ZNF433: variants seen among roughly 807,000 people sequenced by gnomAD.
The protein encoded by ZNF433 is zinc finger protein 433.
Under a neutral mutation model 10.6 loss-of-function variants are expected in ZNF433, and 12 were observed. That is an observed-to-expected ratio of 1.13 (90% CI 0.72 to 1.83). The LOEUF (loss-of-function observed/expected upper bound fraction) is 1.83, where lower values mean the gene tolerates loss of function less well. Ranked by LOEUF, ZNF433 falls within the 40% of genes most tolerant of loss-of-function variation. The pLI is 0.00. For synonymous variants in ZNF433, 272 were observed against 271.3 expected (o/e 1.00, Z -0.02); for missense variants, 737 against 798.0 (o/e 0.92, Z 0.92).
chr19:12,027,083 C>T (rs535157941), intron 1 of ZNF433: 11 of 449,150 alleles, frequency 2.4e-5, no homozygotes, highest in Middle Eastern at 7.1e-4. Context: ...ATTAAAAGAA[C>T]AAATATTTAA....
intron 1 of ZNF433, chr19:12,026,327 G>T: frequency 4.3e-6 from 1 of 230,084 alleles, no homozygotes; most frequent in South Asian, 4.9e-5. Context: ...ATGCTGAGGA[G>T]GACCCCAACT....
rs912247412 is a variant in ZNF433 at position 12,033,822 on chromosome 19, C to CA, written c.3+1714dup. ...GGGTGACAGAACAAGACTCTGTCTCCAAAAAAAAACAAAAACAAAAACAAA... is the reference window on the plus strand; with the variant it reads ...GGGTGACAGAACAAGACTCTGTCTCCAAAAAAAAAACAAAAACAAAAACAAA... On this transcript the variant is annotated intron_variant, in intron 1 of 3. Coordinates refer to ENST00000550507, the MANE Select transcript of ZNF433 (RefSeq NM_001308348.2). 2.4e-3 allele frequency among the ~76,000 whole-genome samples: 351 copies of CA among 147,834 alleles called. 2 individuals carry two copies. The highest frequency in any genetic ancestry group is 8.3e-3 in the African/African-American group (333 of 40,226).
chr19:12,018,044 A>C, intron 2 of ZNF433, 108 bp from the exon 3 acceptor site: 3 of 1,328,276 alleles, frequency 2.3e-6, no homozygotes, highest in Non-Finnish European at 2.1e-6. Context: ...TTATTTATCA[A>C]ATATTCCCTG....
At position 12,035,556 on chromosome 19, in the gene ZNF433, G is replaced by A; in HGVS notation, c.-17C>T. On this transcript the variant is annotated 5_prime_UTR_variant, in exon 1 of 4. Transcript: ENST00000550507. The stretch of plus-strand genomic sequence containing the variant: ...GCTCACCATTTCTTGCCTTTCAGGT[G>A]ACTCCCACGACCAGTGCGGGTCACA... The A allele has an allele frequency of 6.4e-7, 1 of 1,568,940 alleles. No homozygotes were observed. Among genetic ancestry groups the A allele is most frequent in the South Asian group, 1.2e-5 (1 of 85,188 alleles).
chr19:12,031,311 CAAAACAAAA>C (rs1975013761), intron 1 of ZNF433, among the ~76,000 whole-genome samples: 2 of 109,840 alleles, frequency 1.8e-5, no homozygotes, highest in African/African-American at 9.9e-5. Context: ...AAAAAAAAAA[CAAAACAAAA>C]AAAAAAACAA....
chr19:12,017,462 CA>C (rs1974265632), intron 3 of ZNF433, among the ~76,000 whole-genome samples: 1 of 152,180 alleles, frequency 6.6e-6, no homozygotes, highest in Non-Finnish European at 1.5e-5. Context: ...CTCGGCCTTC[CA>C]AAGTGCTGGG....
intron 1 of ZNF433, chr19:12,024,530 G>A (rs1172736449): frequency 6.6e-6 from 1 of 152,200 alleles, no homozygotes; most frequent in Non-Finnish European, 1.5e-5. Context: ...ACCTGCTCTA[G>A]GCATTCCTAC....
chr19:12,017,643 C>T (rs534534320), intron 3 of ZNF433, among the ~76,000 whole-genome samples: 1 of 152,272 alleles, frequency 6.6e-6, no homozygotes, highest in Admixed American at 6.5e-5. Flanking sequence ...TGGCCCCAAC[C>T]TCCTGGGCTC....
intron 1 of ZNF433, chr19:12,026,649 A>T (rs545179159): frequency 4.4e-6 from 2 of 451,788 alleles, no homozygotes; most frequent in Non-Finnish European, 8.9e-6. Context: ...TACTGCCCTC[A>T]AAAAACTATT....
At chr19:12,034,345 T>C (rs927464487) in intron 1 of ZNF433, among the ~76,000 whole-genome samples, 2 of 152,200 alleles carry the variant, frequency 1.3e-5, no homozygotes, top group African/African-American at 4.8e-5. Context: ...AATGTGACTC[T>C]GGAATTGAGT....
In ZNF433 at chr19:12,015,571, T is replaced by C; in HGVS notation, c.1287A>G (p.Arg429=). ...YECKQCGKAF[R]SASLLQTHGR... ...CATGTGTTTGAAGGAGTGAGGCAGA[T>C]CTGAAGGCTTTCCCACATTGCTTAC... The change falls in exon 4 of 4, where the codon AGA becomes AGG. Residue 429 remains arginine (R), a synonymous_variant. Coordinates refer to ENST00000550507, the MANE Select transcript of ZNF433 (RefSeq NM_001308348.2). The C allele has an allele frequency of 6.2e-7, 1 of 1,613,864 alleles. No homozygotes were observed. The highest frequency in any genetic ancestry group is 8.5e-7 in the Non-Finnish European group (1 of 1,179,942).
chr19:12,018,095 A>T (rs1974301818), intron 2 of ZNF433, 71 bp downstream of exon 2: 12 of 1,493,920 alleles, frequency 8.0e-6, no homozygotes, highest in African/African-American at 1.4e-5. Context: ...TGAGCTAAAA[A>T]TACTTGTTCT....
chr19:12,035,269 C>G (rs1465619395), intron 1 of ZNF433, among the ~76,000 whole-genome samples: 2 of 152,174 alleles, frequency 1.3e-5, no homozygotes, highest in African/African-American at 4.8e-5. Flanking sequence ...TGTGGGGAGA[C>G]GCGGGGCAGC....
Position 12,016,110 on chromosome 19 carries a change from G to T in ZNF433, c.748C>A (p.Pro250Thr), listed in dbSNP as rs544890305. 1.2e-5 allele frequency: 19 copies of T among 1,614,002 alleles called. No homozygotes were observed. The South Asian group carries it at 1.3e-4, about 11-fold the overall frequency. The part of the protein sequence containing the change: ...IHERTHTGEK[P>T]YKCNECGKAF... ...TTCCCACATTCATTACATTTATAAG[G>T]CTTCTCCCCAGTGTGAGTTCTTTCA... Residue 250 changes from proline (P) to threonine (T), a missense_variant, in exon 4 of 4, where the codon CCT (proline) becomes ACT (threonine). By Grantham distance (38) the Pro-to-Thr change is conservative. Coordinates refer to ENST00000550507, the MANE Select transcript of ZNF433 (RefSeq NM_001308348.2).
At position 12,016,286 on chromosome 19, in the gene ZNF433, C is replaced by T. The variant is rs1051879394; in HGVS notation, c.572G>A (p.Gly191Glu). 1 of 1,614,212 alleles carries T rather than the reference C, an allele frequency of 6.2e-7. No individual in the cohort carries two copies. The highest frequency in any genetic ancestry group is 8.5e-7 in the Non-Finnish European group (1 of 1,180,028). The change falls in exon 4 of 4, where the codon GGA (glycine) becomes GAA (glutamate). Residue 191 changes from glycine (G) to glutamate (E), a missense_variant. Transcript: ENST00000550507. ...AAATTTACACTTATAAGGTCCATCT[C>T]CACGGTGCATTATCCTGTGTCTTTG... is the stretch of plus-strand genomic sequence containing the variant. ...NLQRHRIMHR[G>E]DGPYKCKFCG...
Position 12,014,851 on chromosome 19 carries a change from G to T in ZNF433, c.2007C>A (p.Thr669=), listed in dbSNP as rs989018251. ...QVHGRAHCID[T]P is the part of the protein sequence containing the mutation. ...AGCCTCCTAAAGCCTGGGGTTATGGGGTGTCTATGCAGTGAGCCCTTCCAT... is the reference window on the plus strand; with the variant it reads ...AGCCTCCTAAAGCCTGGGGTTATGGTGTGTCTATGCAGTGAGCCCTTCCAT... The change falls in exon 4 of 4, where the codon ACC becomes ACA. Residue 669 remains threonine (T), a synonymous_variant. Transcript: ENST00000550507. The T allele has an allele frequency of 2.6e-6, 4 of 1,565,934 alleles. No individual in the cohort carries two copies. In the African/African-American group the frequency reaches 5.4e-5, roughly 21 times the overall value.
chr19:12,035,570 G>C lies in ZNF433; in HGVS notation c.-31C>G, dbSNP rs1313022592. On this transcript the variant is annotated 5_prime_UTR_variant, in exon 1 of 4. Coordinates refer to ENST00000550507, the MANE Select transcript of ZNF433 (RefSeq NM_001308348.2). ...GCCTTTCAGGTGACTCCCACGACCAGTGCGGGTCACAGCACAGGCGACAGA... is the reference window on the plus strand; with the variant it reads ...GCCTTTCAGGTGACTCCCACGACCACTGCGGGTCACAGCACAGGCGACAGA... 3 of 1,564,764 alleles carry C rather than the reference G, an allele frequency of 1.9e-6. No individual in the cohort carries two copies. Among genetic ancestry groups the C allele is most frequent in the Non-Finnish European group, 1.7e-6 (2 of 1,155,018 alleles).
At chr19:12,021,486 T>A (rs758892697) in intron 1 of ZNF433, among the ~76,000 whole-genome samples, 10 of 152,230 alleles carry the variant, frequency 6.6e-5, no homozygotes, top group Non-Finnish European at 1.2e-4. Context: ...CTGCTGACAC[T>A]TCACCAAGTT....
chr19:12,016,120 A>C lies in ZNF433; in HGVS notation c.738T>G (p.Thr246=), dbSNP rs1360999404. 1.2e-6 allele frequency: 2 copies of C among 1,614,128 alleles called. No homozygotes were observed. The highest frequency in any genetic ancestry group is 1.7e-6 in the Non-Finnish European group (2 of 1,180,024). The part of the protein sequence containing the change: ...SSLRIHERTH[T]GEKPYKCNEC... Reference sequence around the variant, plus strand: ...CATTACATTTATAAGGCTTCTCCCCAGTGTGAGTTCTTTCATGTATTCGAA... The same window carrying C: ...CATTACATTTATAAGGCTTCTCCCCCGTGTGAGTTCTTTCATGTATTCGAA... Residue 246 remains threonine (T), a synonymous_variant, in exon 4 of 4, where the codon ACT becomes ACG. Transcript: ENST00000550507.
Sources: allele counts gnomAD v4.1 joint callset (sites outside exome capture counted in the v4.1 genomes callset), GRCh38; gene constraint gnomAD v4.1.1; transcripts MANE v1.5; gene names NCBI Gene and HGNC (gene_info 2026-07-23, HGNC 2026-07-21).